The following PEAK1 variants were observed in gnomAD, a reference collection of about 807,000 sequenced individuals.
The protein encoded by PEAK1 is pseudopodium enriched atypical kinase 1.
A neutral mutation model predicts 124.7 loss-of-function variants in PEAK1; 54 were observed. The ratio of observed to expected loss-of-function variants is 0.43; its 90% CI spans 0.35 to 0.54. The LOEUF is 0.54. Ranked by LOEUF, PEAK1 falls within the 20% of genes least tolerant of loss-of-function variation. PEAK1 has a pLI of 0.01. For missense variants in PEAK1, 2,046 were observed against 2,134.5 expected, an observed-to-expected ratio of 0.96 and a Z score of 0.82; for synonymous variants, 719 against 760.0, an observed-to-expected ratio of 0.95 and a Z score of 0.89.
chr15:77,200,817 T>TCCA (rs2058325996), intron 6 of PEAK1, among the ~76,000 whole-genome samples: 1 of 152,130 alleles, frequency 6.6e-6, no homozygotes, highest in Non-Finnish European at 1.5e-5. Context: ...TGAAAGATCT[T>TCCA]CCATTAGGGT....
intron 5 of PEAK1, among the ~76,000 whole-genome samples, chr15:77,264,830 C>T (rs1227664173): frequency 1.3e-5 from 2 of 151,886 alleles, no homozygotes; most frequent in African/African-American, 2.4e-5. Flanking sequence ...AAGCTGGAGG[C>T]ATCACACTAC....
At chr15:77,301,116 T>C (rs1216110589) in intron 2 of PEAK1, among the ~76,000 whole-genome samples, 2 of 152,164 alleles carry the variant, frequency 1.3e-5, no homozygotes, top group Non-Finnish European at 1.5e-5. Context: ...TATTTTTATA[T>C]GGTTCTAGAG....
intron 7 of PEAK1, among the ~76,000 whole-genome samples, chr15:77,160,908 C>T (rs1230540920): frequency 6.6e-6 from 1 of 152,090 alleles, no homozygotes; most frequent in Non-Finnish European, 1.5e-5. Context: ...CGATTCCATC[C>T]TCACTTGCCT....
intron 8 of PEAK1, among the ~76,000 whole-genome samples, chr15:77,136,666 CAA>C (rs35089090): frequency 6.7e-6 from 1 of 150,154 alleles, no homozygotes; most frequent in African/African-American, 2.5e-5. Context: ...ACCCCGTCTC[CAA>C]AAAAATAAAT....
intron 1 of PEAK1, among the ~76,000 whole-genome samples, chr15:77,414,630 T>G (rs567086286): frequency 6.6e-6 from 1 of 152,308 alleles, no homozygotes; most frequent in South Asian, 2.1e-4. Context: ...AATATGTTAT[T>G]TAACCTTTCT....
intron 2 of PEAK1, among the ~76,000 whole-genome samples, chr15:77,297,343 G>C (rs2063535983): frequency 6.6e-6 from 1 of 151,712 alleles, no homozygotes; most frequent in Admixed American, 6.6e-5. Flanking sequence ...TTTAAAAAAT[G>C]AATCTTCTTA....
chr15:77,184,591 C>T (rs2057444035), intron 6 of PEAK1, among the ~76,000 whole-genome samples: 1 of 152,162 alleles, frequency 6.6e-6, no homozygotes, highest in African/African-American at 2.4e-5. Context: ...ATACATTTGT[C>T]AAAACTCACA....
At position 77,133,129 on chromosome 15, in the gene PEAK1, C is replaced by T. The variant is rs139641674; in HGVS notation, c.3953G>A (p.Arg1318His). The change falls in exon 9 of 10, where the codon CGT becomes CAT. Residue 1318 changes from arginine to histidine, a missense_variant. Coordinates refer to ENST00000682557, the MANE Select transcript of PEAK1 (RefSeq NM_001385026.1). The surrounding 1 kb of genome is among the most constrained non-coding windows in gnomAD (Gnocchi z 4.2). ...LFMAGQKDQL[R>H]FGVDSWSDFR... Reference sequence around the variant, plus strand: ...GTCTGACCAGCTGTCCACTCCAAAACGGAGCTGGTCTTTCTGCCCAGCCAT... The same window carrying T: ...GTCTGACCAGCTGTCCACTCCAAAATGGAGCTGGTCTTTCTGCCCAGCCAT... 650 of 1,614,220 alleles carry T rather than the reference C, an allele frequency of 4.0e-4. 5 individuals are homozygous for T. The South Asian group carries it at 6.5e-3, about 16-fold the overall frequency.
chr15:77,412,397 C>A (rs1484125893), intron 1 of PEAK1, among the ~76,000 whole-genome samples: 1 of 152,182 alleles, frequency 6.6e-6, no homozygotes, highest in Non-Finnish European at 1.5e-5. Flanking sequence ...CTCAAGTCTT[C>A]CTCATTTCTA....
chr15:77,198,997 T>C (rs2058236546), intron 6 of PEAK1, among the ~76,000 whole-genome samples: 1 of 152,204 alleles, frequency 6.6e-6, no homozygotes, highest in Non-Finnish European at 1.5e-5. Flanking sequence ...TCTATTTGTA[T>C]GGAAGAGAAG....
chr15:77,395,106 T>C (rs1421157877), intron 1 of PEAK1, among the ~76,000 whole-genome samples: 1 of 152,168 alleles, frequency 6.6e-6, no homozygotes, highest in Non-Finnish European at 1.5e-5. Flanking sequence ...TAAATTTAAC[T>C]AACAGACTAA....
At chr15:77,183,394 A>G (rs1277645464) in intron 6 of PEAK1, among the ~76,000 whole-genome samples, 1 of 152,208 alleles carries the variant, frequency 6.6e-6, no homozygotes, top group Non-Finnish European at 1.5e-5. Context: ...CAGCTGTGTG[A>G]AATTACATTT....
At chr15:77,188,971 C>A (rs866029749) in intron 6 of PEAK1, among the ~76,000 whole-genome samples, 2 of 152,096 alleles carry the variant, frequency 1.3e-5, no homozygotes, top group South Asian at 2.1e-4. Flanking sequence ...GAGGCCAAGG[C>A]GGGCAGATCA....
intron 9 of PEAK1, among the ~76,000 whole-genome samples, chr15:77,129,660 G>C (rs1317381499): frequency 6.8e-6 from 1 of 147,880 alleles, no homozygotes; most frequent in African/African-American, 2.5e-5. Flanking sequence ...TGGCCAGGCT[G>C]GTCTCCATCT....
chr15:77,184,838 A>G (rs1231255467), intron 6 of PEAK1, among the ~76,000 whole-genome samples: 1 of 152,192 alleles, frequency 6.6e-6, no homozygotes, highest in African/African-American at 2.4e-5. Flanking sequence ...CGGAGGTTGC[A>G]GTGAGCCGAG....
At chr15:77,346,494 A>G in intron 2 of PEAK1, 1 of 985,356 alleles carries the variant, frequency 1.0e-6, no homozygotes, top group Admixed American at 6.1e-5. Flanking sequence ...CAATTTTCCT[A>G]CCTGCTAATT....
At chr15:77,186,247 T>C (rs191903635) in intron 6 of PEAK1, among the ~76,000 whole-genome samples, 2 of 152,364 alleles carry the variant, frequency 1.3e-5, no homozygotes, top group Non-Finnish European at 2.9e-5. Flanking sequence ...TAATATCTTG[T>C]TAACCAAGTT....
intron 6 of PEAK1, among the ~76,000 whole-genome samples, chr15:77,226,408 G>A (rs2059679475): frequency 6.6e-6 from 1 of 151,776 alleles, no homozygotes; most frequent in Admixed American, 6.6e-5. Flanking sequence ...CTATGGTTTT[G>A]CAACTAGTAA....
At chr15:77,265,383 T>C (rs1271652562) in intron 5 of PEAK1, among the ~76,000 whole-genome samples, 1 of 152,114 alleles carries the variant, frequency 6.6e-6, no homozygotes, top group African/African-American at 2.4e-5. Flanking sequence ...ATCCAGAATC[T>C]AAAGTGAACT....
Sources: allele counts gnomAD v4.1 joint callset (sites outside exome capture counted in the v4.1 genomes callset), GRCh38; gene constraint gnomAD v4.1.1; non-coding constraint Gnocchi (gnomAD v3.1); transcripts MANE v1.5; gene names NCBI Gene and HGNC (gene_info 2026-07-23, HGNC 2026-07-21).